The following UMPS variants were observed in gnomAD, a reference collection of about 807,000 sequenced individuals.
UMPS encodes the protein uridine 5'-monophosphate synthase.
In UMPS, 21 loss-of-function variants were observed where a neutral mutation model predicts 38.9. That is an observed-to-expected ratio of 0.54 (90% CI 0.38 to 0.78). The LOEUF (loss-of-function observed/expected upper bound fraction) is 0.78, where lower values mean the gene tolerates loss of function less well. UMPS is among the 30% of genes least tolerant of loss of function. UMPS has a pLI of 0.00. For synonymous variants in UMPS, 208 were observed against 219.3 expected, an observed-to-expected ratio of 0.95 and a Z score of 0.45; for missense variants, 533 against 591.6, an observed-to-expected ratio of 0.90 and a Z score of 1.03.
rs773448908 is a variant in UMPS at position 124,743,917 on chromosome 3, GATA to G, written c.1279_1281del (p.Asn427del). 14 of 1,614,118 alleles carry G rather than the reference GATA, an allele frequency of 8.7e-6. No homozygotes were observed. Among genetic ancestry groups the G allele is most frequent in the Middle Eastern group, 1.6e-4 (1 of 6,062 alleles). The stretch of plus-strand genomic sequence containing the variant: ...AACAATTTTTGTGTTTCTTGCAGGA[GATA>G]ATCTTGGCCAACAGTACAATAGCCC... On this transcript the variant is annotated inframe_deletion, in exon 6 of 6. Coordinates refer to ENST00000232607, the MANE Select transcript of UMPS (RefSeq NM_000373.4).
rs1371185990 is a variant in UMPS, at chr3:124,746,885, A to G, written c.*2801A>G. ...AGAGCTCCCAAAGTGTAGCTCCAGAATCGTAAAGGGATATGCTCAGTCTCA... is the reference window on the plus strand; with the variant it reads ...AGAGCTCCCAAAGTGTAGCTCCAGAGTCGTAAAGGGATATGCTCAGTCTCA... On this transcript the variant is annotated 3_prime_UTR_variant, in exon 6 of 6. Coordinates refer to ENST00000232607, the MANE Select transcript of UMPS (RefSeq NM_000373.4). The G allele has an allele frequency of 2.2e-6, 1 of 452,618 alleles. No homozygotes were observed. Among genetic ancestry groups the G allele is most frequent in the Non-Finnish European group, 4.4e-6 (1 of 225,754 alleles). The allele number at this position is 452,618 out of a possible 1,614,324, so 28.0% of individuals were successfully genotyped here. A position where few individuals can be genotyped will look rare whatever the true frequency, so the allele number is the denominator to read the frequency against.
At chr3:124,741,440 T>C (rs899000577) in intron 4 of UMPS, among the ~76,000 whole-genome samples, 3 of 152,180 alleles carry the variant, frequency 2.0e-5, no homozygotes, top group Admixed American at 6.5e-5. Context: ...AAAGAGACTT[T>C]TATGAATGTG....
chr3:124,743,620 A>C (rs1382222906), intron 5 of UMPS, among the ~76,000 whole-genome samples: 1 of 152,048 alleles, frequency 6.6e-6, no homozygotes, highest in Non-Finnish European at 1.5e-5. Flanking sequence ...CCTGGGTGAC[A>C]GAGCGAGACT....
chr3:124,742,347 A>G, intron 5 of UMPS, 81 bp downstream of exon 5: 1 of 1,014,224 alleles, frequency 9.9e-7, no homozygotes. Flanking sequence ...GCATATTATT[A>G]TACACTTGCT....
At chr3:124,741,388 G>A (rs1021780113) in intron 4 of UMPS, among the ~76,000 whole-genome samples, 7 of 152,134 alleles carry the variant, frequency 4.6e-5, no homozygotes, top group East Asian at 1.9e-4. Context: ...GTCACGTCTC[G>A]GGGAAAGTAC....
chr3:124,746,272 TGA>T lies in UMPS; in HGVS notation c.*2189_*2190del. On this transcript the variant is annotated 3_prime_UTR_variant, in exon 6 of 6. Transcript: ENST00000232607. ...TAATCACCCAGCCCCTGCCACTTAC[TGA>T]AAGTGTAGGTCCTTGTGCCCCACAC... is the stretch of plus-strand genomic sequence containing the variant. The T allele has an allele frequency of 2.2e-6, 1 of 453,996 alleles. No individual in the cohort carries two copies. Among genetic ancestry groups the T allele is most frequent in the East Asian group, 6.9e-5 (1 of 14,398 alleles). 28.1% of individuals were successfully genotyped at this position (453,996 alleles called of 1,614,324 possible). A position where few individuals can be genotyped will look rare whatever the true frequency, so the allele number is the denominator to read the frequency against.
In UMPS at chr3:124,746,755, TTGTGTG is replaced by T. The variant is rs58981387; in HGVS notation, c.*2708_*2713del. On this transcript the variant is annotated 3_prime_UTR_variant, in exon 6 of 6. Coordinates refer to ENST00000232607, the MANE Select transcript of UMPS (RefSeq NM_000373.4). ...ATTCTGTAGAACATAAGCCCATAGA[TTGTGTG>T]TGTGTGTGTGTGTGTGTGTGTGTGT... 11,870 of 420,274 alleles carry T rather than the reference TTGTGTG, an allele frequency of 0.028. 76 individuals carry two copies. The highest frequency in any genetic ancestry group is 0.06 in the Admixed American group (2,404 of 40,134). 26.0% of individuals were successfully genotyped at this position (420,274 alleles called of 1,614,324 possible). A position where few individuals can be genotyped will look rare whatever the true frequency, so the allele number is the denominator to read the frequency against.
At chr3:124,732,120 A>G (rs1390777840) in intron 1 of UMPS, among the ~76,000 whole-genome samples, 3 of 152,172 alleles carry the variant, frequency 2.0e-5, no homozygotes, top group African/African-American at 2.4e-5. Flanking sequence ...TGTTATTTCA[A>G]TGCAAATTCT....
At position 124,745,115 on chromosome 3, in the gene UMPS, TC is replaced by T. The variant is rs1169587574; in HGVS notation, c.*1034del. The T allele has an allele frequency of 2.2e-6, 1 of 454,078 alleles. No individual in the cohort carries two copies. Among genetic ancestry groups the T allele is most frequent in the Non-Finnish European group, 4.4e-6 (1 of 226,788 alleles). 28.1% of individuals were successfully genotyped at this position (454,078 alleles called of 1,614,324 possible). ...TTCCATTTGGGTATTTGCTTAAGGA[TC>T]CCACATAATTGTCCCAACGGTCATT... On this transcript the variant is annotated 3_prime_UTR_variant, in exon 6 of 6. Transcript: ENST00000232607.
chr3:124,740,255 C>A, intron 4 of UMPS, 56 bp downstream of exon 4: 1 of 1,508,148 alleles, frequency 6.6e-7, no homozygotes, highest in Non-Finnish European at 8.9e-7. Flanking sequence ...CTGCATGCTG[C>A]AAGAAGATAT....
chr3:124,733,832 T>A (rs554568948), intron 1 of UMPS: 11 of 152,398 alleles, frequency 7.2e-5, no homozygotes, highest in Admixed American at 2.0e-4. Flanking sequence ...AATTTTTTTT[T>A]AATTACCATT....
chr3:124,731,905 C>T (rs1230895481), intron 1 of UMPS, among the ~76,000 whole-genome samples: 1 of 151,398 alleles, frequency 6.6e-6, no homozygotes, highest in East Asian at 1.9e-4. Context: ...AAGAGATCCT[C>T]TTACCTCAAC....
At position 124,743,902 on chromosome 3, in the gene UMPS, G is replaced by T; in HGVS notation, c.1274-13G>T. 1 of 1,613,820 alleles carries T rather than the reference G, an allele frequency of 6.2e-7. No individual in the cohort carries two copies. Among genetic ancestry groups the T allele is most frequent in the Non-Finnish European group, 8.5e-7 (1 of 1,179,882 alleles). The stretch of plus-strand genomic sequence containing the variant: ...TGTATTATGTGAAACAACAATTTTT[G>T]TGTTTCTTGCAGGAGATAATCTTGG... On this transcript the variant is annotated splice_polypyrimidine_tract_variant and intron_variant, in intron 5 of 5. Coordinates refer to ENST00000232607, the MANE Select transcript of UMPS (RefSeq NM_000373.4).
Position 124,746,178 on chromosome 3 carries a change from C to T in UMPS, c.*2094C>T. On this transcript the variant is annotated 3_prime_UTR_variant, in exon 6 of 6. Coordinates refer to ENST00000232607, the MANE Select transcript of UMPS (RefSeq NM_000373.4). Reference sequence around the variant, plus strand: ...CATCTCCAGGACGCAGGCACTGTTCCTGTTGATGAACCCTATTTCACAGGA... The same window carrying T: ...CATCTCCAGGACGCAGGCACTGTTCTTGTTGATGAACCCTATTTCACAGGA... 2.2e-6 allele frequency: 1 copy of T among 454,132 alleles called. No individual in the cohort carries two copies. Among genetic ancestry groups the T allele is most frequent in the South Asian group, 1.6e-5 (1 of 64,478 alleles). The allele number at this position is 454,132 out of a possible 1,614,324, so 28.1% of individuals were successfully genotyped here.
intron 1 of UMPS, chr3:124,733,492 G>C (rs1462127123): frequency 5.6e-6 from 1 of 178,304 alleles, no homozygotes; most frequent in African/African-American, 2.4e-5. Flanking sequence ...GGTCCTTGTG[G>C]GATTCACAAG....
In UMPS at chr3:124,730,629, T is replaced by C. The variant is rs752152578; in HGVS notation, c.156+2T>C. ...TCTCGACCGCGTCTTCTGAGTCAGG[T>C]GCTGGCCTAGGAAGGGAAAGGACAG... On this transcript the variant is annotated splice_donor_variant, in intron 1 of 5. Coordinates refer to ENST00000232607, the MANE Select transcript of UMPS (RefSeq NM_000373.4). LOFTEE classifies it high-confidence loss of function. 6.2e-7 allele frequency: 1 copy of C among 1,611,270 alleles called. No homozygotes were observed. Among genetic ancestry groups the C allele is most frequent in the Non-Finnish European group, 8.5e-7 (1 of 1,177,808 alleles).
In UMPS at chr3:124,748,208, G is replaced by A. The variant is rs2150905822; in HGVS notation, c.*4124G>A. Reference sequence around the variant, plus strand: ...GCTTCCCAAAGTGCTAGGATTACAGGTGTGAGCCACTGCTCCCGGCCTGTT... The same window carrying A: ...GCTTCCCAAAGTGCTAGGATTACAGATGTGAGCCACTGCTCCCGGCCTGTT... On this transcript the variant is annotated 3_prime_UTR_variant, in exon 6 of 6. Transcript: ENST00000232607. 1 of 453,548 alleles carries A rather than the reference G, an allele frequency of 2.2e-6. No individual in the cohort carries two copies. Among genetic ancestry groups the A allele is most frequent in the Admixed American group, 2.4e-5 (1 of 42,508 alleles). The allele number at this position is 453,548 out of a possible 1,614,324, so 28.1% of individuals were successfully genotyped here. A position where few individuals can be genotyped will look rare whatever the true frequency, so the allele number is the denominator to read the frequency against.
At chr3:124,735,402 T>A (rs915299281) in intron 2 of UMPS, among the ~76,000 whole-genome samples, 156 bp downstream of exon 2, 2 of 152,212 alleles carry the variant, frequency 1.3e-5, no homozygotes, top group African/African-American at 4.8e-5. Flanking sequence ...ATAAGTCACC[T>A]TCCTTTTTTT....
chr3:124,730,462 G>C lies in UMPS; in HGVS notation c.-10G>C, dbSNP rs1407742857. 1.2e-6 allele frequency: 2 copies of C among 1,614,026 alleles called. No individual in the cohort carries two copies. The highest frequency in any genetic ancestry group is 1.1e-5 in the South Asian group (1 of 91,070). Reference sequence around the variant, plus strand: ...CCTGGGAATTTGAAGCAAACAGGCAGCGCGCGACAATGGCGGTCGCTCGTG... The same window carrying C: ...CCTGGGAATTTGAAGCAAACAGGCACCGCGCGACAATGGCGGTCGCTCGTG... On this transcript the variant is annotated 5_prime_UTR_variant, in exon 1 of 6. Transcript: ENST00000232607.
Sources: gnomAD v4.1 joint callset for allele counts (sites outside exome capture counted in the v4.1 genomes callset) on GRCh38, gnomAD v4.1.1 for gene constraint, MANE v1.5 for transcripts, NCBI Gene and HGNC (gene_info 2026-07-23, HGNC 2026-07-21) for gene names.